Variants in VANGL1 observed in about 807,000 individuals in gnomAD.
The protein encoded by VANGL1 is VANGL planar cell polarity protein 1, also known as vang-like protein 1.
In VANGL1, 18 loss-of-function variants were observed where a neutral mutation model predicts 48.4. That is an observed-to-expected ratio of 0.37 (90% confidence interval 0.26 to 0.55). The LOEUF is 0.55. Ranked by LOEUF, VANGL1 falls within the 20% of genes least tolerant of loss-of-function variation. VANGL1 has a pLI of 0.81. For missense variants in VANGL1, 667 were observed against 675.8 expected (o/e 0.99, Z 0.14); for synonymous variants, 257 against 261.8 (o/e 0.98, Z 0.18).
At chr1:115,647,371 A>T (rs1651979169) in intron 1 of VANGL1, among the ~76,000 whole-genome samples, 1 of 152,032 alleles carries the variant, frequency 6.6e-6, no homozygotes, top group African/African-American at 2.4e-5. Context: ...CCTTATCATG[A>T]GTTTGGTTAA....
At position 115,665,464 on chromosome 1, in the gene VANGL1, G is replaced by A. The variant is rs372594800; in HGVS notation, c.812+1196G>A. ...AATCAGCAAGGGCACACCTTAGTGG[G>A]TATCAGAACAATCGGCTTTGTCATA... On this transcript the variant is annotated intron_variant, in intron 4 of 7. Transcript: ENST00000355485. 5.9e-4 allele frequency among the ~76,000 whole-genome samples: 90 copies of A among 152,332 alleles called. No homozygotes were observed. The East Asian group carries it at 0.012, about 20-fold the overall frequency.
intron 1 of VANGL1, among the ~76,000 whole-genome samples, chr1:115,650,902 G>A (rs1652116866): frequency 6.6e-6 from 1 of 151,664 alleles, no homozygotes; most frequent in African/African-American, 2.4e-5. Context: ...AACTTCGCTG[G>A]GTATTGTTTT....
At chr1:115,642,309 C>G (rs546584468) in intron 1 of VANGL1, among the ~76,000 whole-genome samples, 22 of 152,110 alleles carry the variant, frequency 1.4e-4, no homozygotes, top group Middle Eastern at 3.4e-3. Flanking sequence ...CACTCTTCTC[C>G]CCATGCGTTG....
chr1:115,675,231 A>G (rs940544322), intron 4 of VANGL1, among the ~76,000 whole-genome samples: 2 of 152,284 alleles, frequency 1.3e-5, no homozygotes, highest in South Asian at 2.1e-4. Flanking sequence ...GCCAGGCGCA[A>G]TGGCTCACAC....
In VANGL1 at chr1:115,691,301, C is replaced by T; in HGVS notation, c.1497C>T (p.Phe499=). The change falls in exon 8 of 8, where the codon TTC becomes TTT. Residue 499 remains phenylalanine, a synonymous_variant. Transcript: ENST00000355485. ...SLVVNVKKIP[F]IILSEEFIDP... ...TAGTCAATGTGAAGAAAATTCCATT[C>T]ATCATACTCTCTGAAGAGTTCATAG... The T allele has an allele frequency of 6.2e-7, 1 of 1,614,128 alleles. No homozygotes were observed. The highest frequency in any genetic ancestry group is 8.5e-7 in the Non-Finnish European group (1 of 1,180,042).
At chr1:115,668,686 A>G (rs753364059) in intron 4 of VANGL1, among the ~76,000 whole-genome samples, 1 of 152,182 alleles carries the variant, frequency 6.6e-6, no homozygotes, top group African/African-American at 2.4e-5. Context: ...TTATACTCAC[A>G]TGGTGAGTCA....
intron 1 of VANGL1, among the ~76,000 whole-genome samples, chr1:115,647,690 G>A (rs1345112088): frequency 6.6e-6 from 1 of 152,148 alleles, no homozygotes; most frequent in Non-Finnish European, 1.5e-5. Context: ...GAGCCTGGAG[G>A]AAGTGGGTGG....
In VANGL1 at chr1:115,663,980, G is replaced by A. The variant is rs201441696; in HGVS notation, c.524G>A (p.Arg175Gln). 119 of 1,614,168 alleles carry A rather than the reference G, an allele frequency of 7.4e-5. No individual in the cohort carries two copies. Among genetic ancestry groups the A allele is most frequent in the East Asian group, 3.1e-4 (14 of 44,880 alleles). The change falls in exon 4 of 8, where the codon CGG becomes CAG. Residue 175 changes from arginine (R) to glutamine (Q), a missense_variant. Arg to Gln is a conservative substitution (Grantham distance 43, BLOSUM62 1). Coordinates refer to ENST00000355485, the MANE Select transcript of VANGL1 (RefSeq NM_138959.3). ...ACCTGGGCACTTTTTTTCCGCAAGC[G>A]GAGAGCTGACATGCCACGGGTGTTT... ...IGTWALFFRKRRADMPRVFVF... is the reference protein window; with the variant it reads ...IGTWALFFRKQRADMPRVFVF...
chr1:115,677,934 A>G (rs1169611500), intron 4 of VANGL1, among the ~76,000 whole-genome samples: 1 of 152,086 alleles, frequency 6.6e-6, no homozygotes, highest in Non-Finnish European at 1.5e-5. Flanking sequence ...TTGTAGAAGG[A>G]TTTGCTTTTG....
Position 115,685,338 on chromosome 1 carries a change from C to T in VANGL1, c.1125C>T (p.Leu375=), listed in dbSNP as rs1411033377. 2.5e-6 allele frequency: 4 copies of T among 1,614,058 alleles called. No homozygotes were observed. The African/African-American group carries it at 4.0e-5, about 16-fold the overall frequency. ...VEEAFIHIQR[L]QAEEQQKAPG... ...AGGCCTTCATCCACATTCAGCGTCTCCAGGCTGAGGAGCAGCAGAAAGCCC... is the reference window on the plus strand; with the variant it reads ...AGGCCTTCATCCACATTCAGCGTCTTCAGGCTGAGGAGCAGCAGAAAGCCC... Residue 375 remains leucine, a synonymous_variant, in exon 7 of 8, where the codon CTC becomes CTT. Transcript: ENST00000355485.
intron 4 of VANGL1, among the ~76,000 whole-genome samples, chr1:115,680,412 A>G (rs756787793): frequency 6.6e-6 from 1 of 152,212 alleles, no homozygotes; most frequent in Admixed American, 6.5e-5. Flanking sequence ...TAGCAGACAC[A>G]GGCACTCAAA....
chr1:115,679,528 G>T lies in VANGL1; in HGVS notation c.813-2836G>T, dbSNP rs527620187. ...CGTGCTGGAAGGCGGTGGGCCGGGA[G>T]CCCTGCTGGAGACAGAAGCCACTGC... On this transcript the variant is annotated intron_variant, in intron 4 of 7. Transcript: ENST00000355485. Among the ~76,000 whole-genome samples, 69 of 152,324 alleles carry T rather than the reference G, an allele frequency of 4.5e-4. No homozygotes were observed. The South Asian group carries it at 0.012, about 27-fold the overall frequency.
Position 115,691,274 on chromosome 1 carries a change from C to T in VANGL1, c.1470C>T (p.Leu490=), listed in dbSNP as rs199542978. 19 of 1,613,938 alleles carry T rather than the reference C, an allele frequency of 1.2e-5. No individual in the cohort carries two copies. In the Middle Eastern group the frequency reaches 6.6e-4, roughly 56 times the overall value. Residue 490 remains leucine (L), a synonymous_variant, in exon 8 of 8, where the codon CTC becomes CTT. Coordinates refer to ENST00000355485, the MANE Select transcript of VANGL1 (RefSeq NM_138959.3). The stretch of plus-strand genomic sequence containing the variant: ...TCCTTAAGTGCTTGGACTTCAGCCT[C>T]GTAGTCAATGTGAAGAAAATTCCAT... The part of the protein sequence containing the change: ...VFVLKCLDFS[L]VVNVKKIPFI...
At chr1:115,678,820 G>A (rs1309419820) in intron 4 of VANGL1, among the ~76,000 whole-genome samples, 2 of 152,024 alleles carry the variant, frequency 1.3e-5, no homozygotes, top group Admixed American at 6.6e-5. Flanking sequence ...GCTGGGCGTG[G>A]TGGCACGTGC....
At position 115,664,282 on chromosome 1, in the gene VANGL1, T is replaced by C; in HGVS notation, c.812+14T>C. On this transcript the variant is annotated intron_variant, in intron 4 of 7. Coordinates refer to ENST00000355485, the MANE Select transcript of VANGL1 (RefSeq NM_138959.3). ...GGGACACCTGAGGTAAGAGGCAACA[T>C]CCAGGAGGCAGAAAGGATGGCTGAT... is the stretch of plus-strand genomic sequence containing the variant. 6.2e-7 allele frequency: 1 copy of C among 1,612,706 alleles called. No individual in the cohort carries two copies. The highest frequency in any genetic ancestry group is 8.5e-7 in the Non-Finnish European group (1 of 1,179,758).
intron 2 of VANGL1, among the ~76,000 whole-genome samples, chr1:115,652,388 C>A (rs927723540): frequency 7.2e-5 from 11 of 152,224 alleles, no homozygotes; most frequent in Non-Finnish European, 1.6e-4. Flanking sequence ...ATAGGTGGCA[C>A]TGTACCAGTT....
rs1026787029 is a variant in VANGL1, at chr1:115,651,361, C to G, written c.-53C>G. On this transcript the variant is annotated 5_prime_UTR_variant, in exon 2 of 8. Coordinates refer to ENST00000355485, the MANE Select transcript of VANGL1 (RefSeq NM_138959.3). ...GAGTCTGGTAGGTGAAATTTTCTACCTCTAAGGAGAAACAGTACCTGCTCC... is the reference window on the plus strand; with the variant it reads ...GAGTCTGGTAGGTGAAATTTTCTACGTCTAAGGAGAAACAGTACCTGCTCC... 1.5e-5 allele frequency: 23 copies of G among 1,562,710 alleles called. No individual in the cohort carries two copies. The highest frequency in any genetic ancestry group is 1.9e-5 in the Non-Finnish European group (22 of 1,136,564).
At chr1:115,684,671 C>T (rs1653525311) in intron 6 of VANGL1, among the ~76,000 whole-genome samples, 1 of 152,242 alleles carries the variant, frequency 6.6e-6, no homozygotes, top group Admixed American at 6.5e-5. Flanking sequence ...GCATTTCTAA[C>T]AGATTCCTGC....
At chr1:115,662,266 G>A (rs554635390) in intron 3 of VANGL1, among the ~76,000 whole-genome samples, 15 of 152,192 alleles carry the variant, frequency 9.9e-5, no homozygotes, top group South Asian at 2.1e-4. Flanking sequence ...GATGATGAGC[G>A]ATGTCTGTCT....
Sources: allele counts gnomAD v4.1 joint callset (sites outside exome capture counted in the v4.1 genomes callset), GRCh38; gene constraint gnomAD v4.1.1; transcripts MANE v1.5; gene names NCBI Gene and HGNC (gene_info 2026-07-23, HGNC 2026-07-21).